RAPGEF6: variants seen among roughly 807,000 people sequenced by gnomAD.
RAPGEF6 encodes the protein Rap guanine nucleotide exchange factor 6.
In RAPGEF6, 56 loss-of-function variants were observed where a neutral mutation model predicts 171.4. The ratio of observed to expected loss-of-function variants is 0.33; its 90% CI spans 0.26 to 0.41. RAPGEF6 has a LOEUF of 0.41. Ranked by LOEUF, RAPGEF6 falls within the 10% of genes least tolerant of loss-of-function variation. The pLI, the probability that RAPGEF6 is intolerant of heterozygous loss-of-function variation, is 1.00. For missense variants in RAPGEF6, 1,674 were observed against 1,921.4 expected, an observed-to-expected ratio of 0.87 and a Z score of 2.41; for synonymous variants, 692 against 650.1, an observed-to-expected ratio of 1.06 and a Z score of -0.98.
At chr5:131,583,553 A>C (rs190150846) in intron 4 of RAPGEF6, among the ~76,000 whole-genome samples, 179 of 152,318 alleles carry the variant, frequency 1.2e-3, no homozygotes, top group African/African-American at 4.2e-3. Context: ...TAACCAATTA[A>C]GGTTCTCTGG....
chr5:131,496,592 T>C (rs1756655183), intron 12 of RAPGEF6, among the ~76,000 whole-genome samples: 2 of 152,228 alleles, frequency 1.3e-5, no homozygotes, highest in Admixed American at 1.3e-4. Flanking sequence ...CTATTCCACA[T>C]AAATAGAATC....
chr5:131,471,583 T>C (rs1754740998), intron 17 of RAPGEF6, among the ~76,000 whole-genome samples: 1 of 152,192 alleles, frequency 6.6e-6, no homozygotes, highest in Non-Finnish European at 1.5e-5. Flanking sequence ...CCCAATTATA[T>C]GTTTCAGTGC....
chr5:131,443,983 C>T (rs1261944330), intron 22 of RAPGEF6, among the ~76,000 whole-genome samples: 1 of 152,158 alleles, frequency 6.6e-6, no homozygotes, highest in Non-Finnish European at 1.5e-5. Context: ...AAAGCTGCCT[C>T]CTTCATATAA....
At chr5:131,631,815 G>A (rs938051890) in intron 1 of RAPGEF6, among the ~76,000 whole-genome samples, 1 of 152,086 alleles carries the variant, frequency 6.6e-6, no homozygotes. Context: ...GGTGGCTCAC[G>A]CCTGTAATCC....
intron 3 of RAPGEF6, among the ~76,000 whole-genome samples, chr5:131,599,097 T>C (rs539011219): frequency 5.3e-4 from 81 of 152,314 alleles, no homozygotes; most frequent in African/African-American, 1.7e-3. Flanking sequence ...GATTACTTGA[T>C]GCCAGGAGTT....
intron 4 of RAPGEF6, among the ~76,000 whole-genome samples, chr5:131,564,522 T>A (rs1031053661): frequency 6.6e-5 from 10 of 152,124 alleles, no homozygotes; most frequent in African/African-American, 2.4e-4. Context: ...AGCTAGACTA[T>A]ACGTTAGAAC....
At position 131,431,339 on chromosome 5, in the gene RAPGEF6, A is replaced by G; in HGVS notation, c.3985T>C (p.Leu1329=). ...HSQHGPGWTL[L]KPSLIKCLAV... ...AAACACTTGATTAGAGATGGCTTCAAGAGTGTCCACCTAAAATTGGAGATA... is the reference window on the plus strand; with the variant it reads ...AAACACTTGATTAGAGATGGCTTCAGGAGTGTCCACCTAAAATTGGAGATA... The change falls in exon 26 of 28, where the codon TTG becomes CTG. Residue 1329 remains leucine (L), a synonymous_variant. Transcript: ENST00000509018. 1 of 1,591,522 alleles carries G rather than the reference A, an allele frequency of 6.3e-7. No individual in the cohort carries two copies. Among genetic ancestry groups the G allele is most frequent in the Non-Finnish European group, 8.6e-7 (1 of 1,163,942 alleles).
At chr5:131,507,934 C>A in intron 9 of RAPGEF6, 137 bp downstream of exon 9, 3 of 830,956 alleles carry the variant, frequency 3.6e-6, no homozygotes. Flanking sequence ...GTAACTAACT[C>A]AAACTTGGCA....
At chr5:131,492,230 A>C (rs1316171297) in intron 14 of RAPGEF6, among the ~76,000 whole-genome samples, 1 of 152,126 alleles carries the variant, frequency 6.6e-6, no homozygotes, top group African/African-American at 2.4e-5. Flanking sequence ...TCTTCTTCAA[A>C]ACCTGCAAGG....
In RAPGEF6 at chr5:131,614,134, T is replaced by C. The variant is rs150129504; in HGVS notation, c.70-9441A>G. ...CCATCTCTACTAAAAATACAAAGAT[T>C]AGCTGAGCGTGGTGGCAGGTGCCTG... On this transcript the variant is annotated intron_variant, in intron 1 of 27. Coordinates refer to ENST00000509018, the MANE Select transcript of RAPGEF6 (RefSeq NM_016340.6). 3.2e-3 allele frequency among the ~76,000 whole-genome samples: 483 copies of C among 151,936 alleles called. 3 individuals are homozygous for C. The highest frequency in any genetic ancestry group is 0.011 in the African/African-American group (459 of 41,422).
intron 15 of RAPGEF6, among the ~76,000 whole-genome samples, chr5:131,483,251 A>G (rs1755615250): frequency 6.6e-6 from 1 of 151,698 alleles, no homozygotes; most frequent in African/African-American, 2.4e-5. Flanking sequence ...CCAGAGGCTG[A>G]GACAGTAGAA....
At chr5:131,619,910 T>G (rs1765502804) in intron 1 of RAPGEF6, among the ~76,000 whole-genome samples, 1 of 152,208 alleles carries the variant, frequency 6.6e-6, no homozygotes, top group African/African-American at 2.4e-5. Context: ...AATTAATCTC[T>G]CTGTGATTCA....
chr5:131,548,336 T>A, intron 5 of RAPGEF6, 146 bp from the exon 6 acceptor site: 1 of 726,800 alleles, frequency 1.4e-6, no homozygotes, highest in Non-Finnish European at 2.2e-6. Flanking sequence ...AGCACAACGC[T>A]CATGAGTTAA....
chr5:131,502,219 A>G (rs964541178), intron 11 of RAPGEF6, among the ~76,000 whole-genome samples: 5 of 152,350 alleles, frequency 3.3e-5, no homozygotes, highest in Admixed American at 1.3e-4. Context: ...CTTCAATACA[A>G]TGAGTTAATA....
intron 21 of RAPGEF6, 96 bp from the exon 22 acceptor site, chr5:131,446,799 G>T: frequency 9.1e-7 from 1 of 1,097,442 alleles, no homozygotes; most frequent in South Asian, 1.5e-5. Context: ...TAATGCTATT[G>T]CATGCTGATG....
chr5:131,460,075 A>AT (rs1168973847), intron 19 of RAPGEF6, among the ~76,000 whole-genome samples: 1 of 152,212 alleles, frequency 6.6e-6, no homozygotes, highest in Admixed American at 6.5e-5. Context: ...CTTAAAAAGA[A>AT]TACAAAAGAA....
At chr5:131,573,115 C>T (rs1374003800) in intron 4 of RAPGEF6, among the ~76,000 whole-genome samples, 1 of 152,042 alleles carries the variant, frequency 6.6e-6, no homozygotes, top group African/African-American at 2.4e-5. Context: ...TTCCACTGAC[C>T]ACTCTGACCT....
intron 3 of RAPGEF6, among the ~76,000 whole-genome samples, chr5:131,593,973 C>T (rs1329855764): frequency 6.6e-6 from 1 of 152,176 alleles, no homozygotes; most frequent in African/African-American, 2.4e-5. Context: ...GAAATTCAAG[C>T]CCGCTGCAGA....
chr5:131,455,800 C>T lies in RAPGEF6; in HGVS notation c.3076+1G>A. On this transcript the variant is annotated splice_donor_variant, in intron 20 of 27. Coordinates refer to ENST00000509018, the MANE Select transcript of RAPGEF6 (RefSeq NM_016340.6). LOFTEE classifies it high-confidence loss of function. ...AACATCAATAAATAATGTTTTCATA[C>T]CTTCATGTAGAAATGTCATATCTTT... is the stretch of plus-strand genomic sequence containing the variant. 1 of 1,607,520 alleles carries T rather than the reference C, an allele frequency of 6.2e-7. No individual in the cohort carries two copies. The highest frequency in any genetic ancestry group is 8.5e-7 in the Non-Finnish European group (1 of 1,174,980).
Sources: gnomAD v4.1 joint callset for allele counts (sites outside exome capture counted in the v4.1 genomes callset) on GRCh38, gnomAD v4.1.1 for gene constraint, MANE v1.5 for transcripts, NCBI Gene and HGNC (gene_info 2026-07-23, HGNC 2026-07-21) for gene names.